COA8: variants seen among roughly 807,000 people sequenced by gnomAD.
COA8 encodes the protein UPF0671 protein C14orf153.
Under a neutral mutation model 22.0 loss-of-function variants are expected in COA8, and 20 were observed. The ratio of observed to expected loss-of-function variants is 0.91; its 90% CI spans 0.64 to 1.32. The LOEUF is 1.32. Ranked by LOEUF, COA8 falls within the 40% of genes most tolerant of loss-of-function variation. The pLI, the probability that COA8 is intolerant of heterozygous loss-of-function variation, is 0.00. For synonymous variants in COA8, 105 were observed against 79.9 expected, an observed-to-expected ratio of 1.31 and a Z score of -1.68; for missense variants, 266 against 230.0, an observed-to-expected ratio of 1.16 and a Z score of -1.01.
chr14:103,574,694 T>C (rs537911558), intron 3 of COA8: 152 of 313,934 alleles, frequency 4.8e-4, no homozygotes, highest in African/African-American at 3.2e-3. Context: ...CTCACCTGAT[T>C]CATTTGGAAT....
rs1321787433 is a variant in COA8 at position 103,581,042 on chromosome 14, C to T, written c.386-6232C>T. ...CTGGAACTCCCAACCTCAGGTGATCCGCCCGTCTTGGCCTCCCAAAGTCCT... is the reference window on the plus strand; with the variant it reads ...CTGGAACTCCCAACCTCAGGTGATCTGCCCGTCTTGGCCTCCCAAAGTCCT... On this transcript the variant is annotated intron_variant, in intron 3 of 4. Transcript: ENST00000409074. The surrounding 1 kb of genome is among the most constrained non-coding windows in gnomAD (Gnocchi z 4.1). Among the ~76,000 whole-genome samples the T allele has an allele frequency of 2.0e-5, 3 of 152,010 alleles. No individual in the cohort carries two copies. The highest frequency in any genetic ancestry group is 2.0e-4 in the Admixed American group (3 of 15,242).
intron 3 of COA8, 146 bp downstream of exon 3, chr14:103,574,316 C>T (rs557614166): frequency 5.2e-5 from 56 of 1,082,598 alleles, no homozygotes; most frequent in Non-Finnish European, 7.4e-5. Flanking sequence ...CACCCCTGTC[C>T]AAGTTCTCTT....
At chr14:103,567,122 CA>C (rs1452297545) in intron 1 of COA8, among the ~76,000 whole-genome samples, 1 of 152,110 alleles carries the variant, frequency 6.6e-6, no homozygotes, top group East Asian at 1.9e-4. Flanking sequence ...CCTGTAATCT[CA>C]GCACGTTGGA....
chr14:103,590,195 G>A lies in COA8; in HGVS notation c.491G>A (p.Arg164His), dbSNP rs756550363. The A allele has an allele frequency of 3.4e-5, 55 of 1,613,898 alleles. No individual in the cohort carries two copies. The highest frequency in any genetic ancestry group is 7.7e-5 in the South Asian group (7 of 91,082). ...TTTCTCTACAGAGATTGGTACAAGC[G>A]CAATTTTGCCATCACCTTCTTCATG... ...HMYYNRDWYK[R>H]NFAITFFMGK... The change falls in exon 5 of 5, where the codon CGC (arginine) becomes CAC (histidine). Residue 164 changes from arginine (R) to histidine (H), a missense_variant. By Grantham distance (29) the Arg-to-His change is conservative. Coordinates refer to ENST00000409074, the MANE Select transcript of COA8 (RefSeq NM_001370595.2).
Position 103,563,168 on chromosome 14 carries a change from A to C in COA8, c.123+44A>C, listed in dbSNP as rs1196744523. On this transcript the variant is annotated intron_variant, in intron 1 of 4. Coordinates refer to ENST00000409074, the MANE Select transcript of COA8 (RefSeq NM_001370595.2). ...ACATTGGGCCGGGAGGGGTGACCGG[A>C]AGGGAAGACAAACCCGGGCCTCGGG... is the stretch of plus-strand genomic sequence containing the variant. The C allele has an allele frequency of 3.3e-6, 5 of 1,537,414 alleles. No homozygotes were observed. In the South Asian group the frequency reaches 4.8e-5, roughly 15 times the overall value.
intron 3 of COA8, among the ~76,000 whole-genome samples, chr14:103,586,628 A>T (rs1241064455): frequency 3.8e-5 from 5 of 130,690 alleles, no homozygotes; most frequent in Non-Finnish European, 1.6e-5. Context: ...GGCATGAGCT[A>T]TCACGCCTGG....
intron 3 of COA8, chr14:103,579,384 C>T (rs746571160): frequency 2.5e-4 from 55 of 223,194 alleles, no homozygotes; most frequent in Middle Eastern, 1.8e-3. Flanking sequence ...GAGTCTCACT[C>T]TGTCACCCAG....
chr14:103,569,239 T>TC (rs2076162320), intron 1 of COA8, among the ~76,000 whole-genome samples: 1 of 152,068 alleles, frequency 6.6e-6, no homozygotes, highest in Non-Finnish European at 1.5e-5. Context: ...GACATTTTCC[T>TC]CCCCCAAGCT....
intron 1 of COA8, chr14:103,563,520 G>A: frequency 5.7e-6 from 2 of 352,172 alleles, no homozygotes; most frequent in Non-Finnish European, 1.1e-5. Flanking sequence ...TTCTTCAAGC[G>A]GCGAGCACTT....
At chr14:103,570,486 A>G (rs1234353934) in intron 1 of COA8, among the ~76,000 whole-genome samples, 2 of 152,134 alleles carry the variant, frequency 1.3e-5, no homozygotes, top group Non-Finnish European at 2.9e-5. Context: ...TAATCCCAGC[A>G]CTTTGGGAGG....
At chr14:103,587,506 T>C in intron 4 of COA8, 142 bp downstream of exon 4, 1 of 493,524 alleles carries the variant, frequency 2.0e-6, no homozygotes, top group East Asian at 3.4e-5. Flanking sequence ...TTTTCTTTTT[T>C]TCTTTTTTTT....
intron 1 of COA8, among the ~76,000 whole-genome samples, chr14:103,570,154 G>C (rs2076171991): frequency 6.6e-6 from 1 of 152,148 alleles, no homozygotes; most frequent in South Asian, 2.1e-4. Flanking sequence ...ACCGCACCTG[G>C]CTAGAAATGT....
At chr14:103,566,295 C>G (rs905918960) in intron 1 of COA8, among the ~76,000 whole-genome samples, 2 of 152,076 alleles carry the variant, frequency 1.3e-5, no homozygotes, top group Non-Finnish European at 2.9e-5. Context: ...ATGGTGGTAC[C>G]TGTAATCCCA....
chr14:103,586,433 CCTG>C (rs1373482370), intron 3 of COA8, among the ~76,000 whole-genome samples: 1 of 151,592 alleles, frequency 6.6e-6, no homozygotes, highest in Non-Finnish European at 1.5e-5. Context: ...GTCTTGAACT[CCTG>C]GTCCCAAGTG....
Position 103,565,475 on chromosome 14 carries a change from CG to C in COA8, c.123+2352del, listed in dbSNP as rs201724847. Among the ~76,000 whole-genome samples the C allele has an allele frequency of 8.5e-3, 1,293 of 152,180 alleles. 22 individuals are homozygous for C. The highest frequency in any genetic ancestry group is 0.03 in the African/African-American group (1,250 of 41,522). ...TCATTGGTTCCTAAACTTGTTTGCA[CG>C]TAAGAATTAGTCTGACTCTTTTAGT... On this transcript the variant is annotated intron_variant, in intron 1 of 4. Transcript: ENST00000409074.
chr14:103,574,103 T>TTTGTA lies in COA8; in HGVS notation c.322-4_322-3insTTGTA. On this transcript the variant is annotated splice_region_variant and splice_polypyrimidine_tract_variant and intron_variant, in intron 2 of 4. Coordinates refer to ENST00000409074, the MANE Select transcript of COA8 (RefSeq NM_001370595.2). Reference sequence around the variant, plus strand: ...CTTTTTTTTTTTTTTTTTTTTTTTTTAAGGAAAAAGAAGAATTTATTCACT... The same window carrying TTTGTA: ...CTTTTTTTTTTTTTTTTTTTTTTTTTTTGTAAAGGAAAAAGAAGAATTTATTCACT... 6.7e-7 allele frequency: 1 copy of TTTGTA among 1,484,220 alleles called. No individual in the cohort carries two copies. Among genetic ancestry groups the TTTGTA allele is most frequent in the Non-Finnish European group, 9.0e-7 (1 of 1,115,538 alleles). The allele number at this position is 1,484,220 out of a possible 1,614,324, so 91.9% of individuals were successfully genotyped here.
intron 1 of COA8, among the ~76,000 whole-genome samples, chr14:103,567,051 G>T (rs1379231263): frequency 3.3e-5 from 5 of 152,178 alleles, no homozygotes; most frequent in Non-Finnish European, 5.9e-5. Context: ...GGGGCTACAG[G>T]CATGTGCCAC....
At chr14:103,589,407 G>T (rs1374349431) in intron 4 of COA8, among the ~76,000 whole-genome samples, 1 of 152,108 alleles carries the variant, frequency 6.6e-6, no homozygotes, top group East Asian at 1.9e-4. Flanking sequence ...CAGAGTGGTC[G>T]TGGCCCATCA....
chr14:103,589,540 C>T (rs1026924292), intron 4 of COA8, among the ~76,000 whole-genome samples: 3 of 151,970 alleles, frequency 2.0e-5, no homozygotes, highest in Admixed American at 6.6e-5. Context: ...ACCCAGGAGG[C>T]AGAGGTTGCA....
Sources: gnomAD v4.1 joint callset for allele counts (sites outside exome capture counted in the v4.1 genomes callset) on GRCh38, gnomAD v4.1.1 for gene constraint, Gnocchi (gnomAD v3.1) non-coding constraint, MANE v1.5 for transcripts, NCBI Gene and HGNC (gene_info 2026-07-23, HGNC 2026-07-21) for gene names.